The following SORCS3 variants were observed in gnomAD, a reference collection of about 807,000 sequenced individuals.
SORCS3 encodes VPS10 domain-containing receptor SorCS3.
In SORCS3, 57 loss-of-function variants were observed where a neutral mutation model predicts 146.3. The observed-to-expected ratio is 0.39, with a 90% CI of 0.31 to 0.49. The LOEUF (loss-of-function observed/expected upper bound fraction) is 0.49, where lower values mean the gene tolerates loss of function less well. SORCS3 is among the 20% of genes least tolerant of loss of function. SORCS3 has a pLI of 0.92. For synonymous variants in SORCS3, 653 were observed against 618.5 expected, an observed-to-expected ratio of 1.06 and a Z score of -0.83; for missense variants, 1,341 against 1,575.5, an observed-to-expected ratio of 0.85 and a Z score of 2.52.
intron 1 of SORCS3, among the ~76,000 whole-genome samples, chr10:104,809,022 T>C (rs2017711663): frequency 6.6e-6 from 1 of 152,216 alleles, no homozygotes; most frequent in Non-Finnish European, 1.5e-5. Context: ...TTAAGAATGA[T>C]TTTTCATTTT....
At chr10:105,256,153 A>G (rs1294168655) in intron 24 of SORCS3, among the ~76,000 whole-genome samples, 2 of 152,190 alleles carry the variant, frequency 1.3e-5, no homozygotes, top group Non-Finnish European at 2.9e-5. Flanking sequence ...CTCTTCATTC[A>G]TTCGATTATC....
chr10:104,661,713 A>T (rs1249218063), intron 1 of SORCS3, among the ~76,000 whole-genome samples: 1 of 152,240 alleles, frequency 6.6e-6, no homozygotes, highest in Non-Finnish European at 1.5e-5. Context: ...AGATAGATAG[A>T]TAGATACATA....
At chr10:104,760,808 CT>C (rs1419220354) in intron 1 of SORCS3, among the ~76,000 whole-genome samples, 2 of 151,982 alleles carry the variant, frequency 1.3e-5, no homozygotes, top group East Asian at 3.9e-4. Context: ...GACAAGCAGT[CT>C]TAAATATCAC....
intron 2 of SORCS3, among the ~76,000 whole-genome samples, chr10:104,915,399 C>T (rs1349080185): frequency 2.0e-5 from 3 of 151,900 alleles, no homozygotes; most frequent in Admixed American, 1.3e-4. Context: ...TTGGTTGTAC[C>T]CTGGTGATGA....
chr10:105,111,107 A>G (rs2055856215), intron 7 of SORCS3, among the ~76,000 whole-genome samples: 1 of 152,188 alleles, frequency 6.6e-6, no homozygotes, highest in Non-Finnish European at 1.5e-5. Flanking sequence ...CCTTCAATAA[A>G]CATAAACCTC....
At chr10:104,837,444 G>A (rs927442087) in intron 1 of SORCS3, among the ~76,000 whole-genome samples, 5 of 152,154 alleles carry the variant, frequency 3.3e-5, no homozygotes, top group African/African-American at 1.2e-4. Flanking sequence ...TATATAGCTT[G>A]TAAGAAGAGA....
At chr10:105,183,112 C>T (rs1425705477) in intron 14 of SORCS3, among the ~76,000 whole-genome samples, 1 of 152,182 alleles carries the variant, frequency 6.6e-6, no homozygotes, top group African/African-American at 2.4e-5. Flanking sequence ...AAGGACATTC[C>T]TGGTGGGTGG....
At chr10:105,095,351 G>C (rs2055738507) in intron 6 of SORCS3, among the ~76,000 whole-genome samples, 1 of 152,172 alleles carries the variant, frequency 6.6e-6, no homozygotes, top group Admixed American at 6.5e-5. Context: ...CTGTGACTGT[G>C]GTGGTAGAGC....
intron 5 of SORCS3, among the ~76,000 whole-genome samples, chr10:105,057,000 T>A (rs1439276832): frequency 3.9e-5 from 6 of 152,170 alleles, no homozygotes; most frequent in Admixed American, 6.6e-5. Flanking sequence ...ATAAGGATCA[T>A]TTTGGTAGTG....
At chr10:104,878,629 T>C (rs947227969) in intron 2 of SORCS3, among the ~76,000 whole-genome samples, 1 of 152,216 alleles carries the variant, frequency 6.6e-6, no homozygotes, top group African/African-American at 2.4e-5. Flanking sequence ...TTTTATATGA[T>C]GAAATACAAT....
chr10:105,119,035 G>T (rs1564759268), intron 7 of SORCS3, among the ~76,000 whole-genome samples: 1 of 152,148 alleles, frequency 6.6e-6, no homozygotes, highest in Admixed American at 6.5e-5. Context: ...CATCACAGAA[G>T]CCCCTCTCAT....
intron 7 of SORCS3, among the ~76,000 whole-genome samples, chr10:105,129,362 A>T (rs2056000872): frequency 7.6e-6 from 1 of 131,496 alleles, no homozygotes; most frequent in Non-Finnish European, 1.6e-5. Context: ...TTTTTTACAA[A>T]ACCCTACCAA....
At chr10:104,846,268 C>T (rs149480352) in intron 2 of SORCS3, among the ~76,000 whole-genome samples, 3 of 152,092 alleles carry the variant, frequency 2.0e-5, no homozygotes, top group African/African-American at 4.8e-5. Flanking sequence ...GTCTTTCTCA[C>T]GTATCTTCTA....
intron 1 of SORCS3, among the ~76,000 whole-genome samples, chr10:104,681,370 G>T (rs899718414): frequency 9.2e-5 from 14 of 152,024 alleles, no homozygotes; most frequent in African/African-American, 3.1e-4. Context: ...GCTGCTGAGC[G>T]AACCCAGGCC....
At chr10:105,248,894 T>C (rs1481326981) in intron 22 of SORCS3, among the ~76,000 whole-genome samples, 1 of 152,050 alleles carries the variant, frequency 6.6e-6, no homozygotes, top group Non-Finnish European at 1.5e-5. Flanking sequence ...CTGGGAAGTA[T>C]GAAAAGTATG....
chr10:105,014,702 T>C (rs113560110), intron 4 of SORCS3, among the ~76,000 whole-genome samples: 1,650 of 125,294 alleles, frequency 0.013, 27 homozygotes, highest in African/African-American at 0.06. Flanking sequence ...AAAATTTATA[T>C]GTGAAACTTA....
At chr10:105,242,893 A>G (rs1186560613) in intron 20 of SORCS3, among the ~76,000 whole-genome samples, 1 of 100,870 alleles carries the variant, frequency 9.9e-6, no homozygotes, top group Non-Finnish European at 1.7e-5. Flanking sequence ...TATATAATAT[A>G]TGATATATAA....
chr10:105,235,436 CTGTGTGTG>C (rs5787570), intron 20 of SORCS3, among the ~76,000 whole-genome samples: 3 of 141,232 alleles, frequency 2.1e-5, no homozygotes, highest in Admixed American at 7.1e-5. Context: ...AACTCTCAGA[CTGTGTGTG>C]TGTGTGTGTG....
chr10:104,695,806 A>C (rs1241299041), intron 1 of SORCS3, among the ~76,000 whole-genome samples: 1 of 151,392 alleles, frequency 6.6e-6, no homozygotes, highest in Non-Finnish European at 1.5e-5. Context: ...ATATTTGTGC[A>C]TAATACTCCA....
Sources: gnomAD v4.1 joint callset for allele counts (sites outside exome capture counted in the v4.1 genomes callset) on GRCh38, gnomAD v4.1.1 for gene constraint, MANE v1.5 for transcripts, NCBI Gene and HGNC (gene_info 2026-07-23, HGNC 2026-07-21) for gene names.